Variants in HERC4 observed in about 807,000 individuals in gnomAD.
HERC4 encodes probable E3 ubiquitin-protein ligase HERC4.
A neutral mutation model predicts 124.3 loss-of-function variants in HERC4; 28 were observed. The observed-to-expected ratio is 0.23, with a 90% CI of 0.17 to 0.31. The LOEUF (loss-of-function observed/expected upper bound fraction) is 0.31, where lower values mean the gene tolerates loss of function less well. HERC4 is among the 10% of genes least tolerant of loss of function. The pLI is 1.00. For synonymous variants in HERC4, 407 were observed against 421.5 expected (o/e 0.97, Z 0.42); for missense variants, 713 against 1,229.3 (o/e 0.58, Z 6.28).
chr10:67,987,042 TACAG>T (rs2036302517), intron 15 of HERC4, among the ~76,000 whole-genome samples: 1 of 152,138 alleles, frequency 6.6e-6, no homozygotes, highest in South Asian at 2.1e-4. Context: ...TCACATGAAC[TACAG>T]ACAAAGGAGG....
At chr10:68,037,915 T>C (rs2039561852) in intron 5 of HERC4, among the ~76,000 whole-genome samples, 178 bp downstream of exon 5, 1 of 152,164 alleles carries the variant, frequency 6.6e-6, no homozygotes, top group Admixed American at 6.5e-5. Context: ...TGTGTGTTTG[T>C]GTGTGTATGT....
intron 6 of HERC4, among the ~76,000 whole-genome samples, chr10:68,033,347 C>T (rs1188936709): frequency 6.6e-6 from 1 of 152,160 alleles, no homozygotes; most frequent in Non-Finnish European, 1.5e-5. Context: ...GTTTGCTTAT[C>T]ATTACTAGTT....
intron 4 of HERC4, chr10:68,039,361 A>G: frequency 1.4e-6 from 2 of 1,475,232 alleles, no homozygotes; most frequent in Non-Finnish European, 1.8e-6. Context: ...AAAACGGGGG[A>G]TGGGGAGGTA....
chr10:68,075,047 CCCT>C (rs2133905360), intron 1 of HERC4, 94 bp downstream of exon 1: 1 of 153,046 alleles, frequency 6.5e-6, no homozygotes, highest in South Asian at 2.1e-4. Flanking sequence ...GCTCCTGGGA[CCCT>C]CCTCTGTCAG....
intron 3 of HERC4, among the ~76,000 whole-genome samples, chr10:68,049,590 CAAAAAAAA>C (rs766514516): frequency 1.5e-3 from 63 of 42,616 alleles, no homozygotes; most frequent in African/African-American, 6.1e-3. Context: ...GACACTGCCA[CAAAAAAAA>C]AAAAAAAAAA....
At chr10:67,943,559 G>C (rs1017797365) in intron 19 of HERC4, among the ~76,000 whole-genome samples, 7 of 152,190 alleles carry the variant, frequency 4.6e-5, no homozygotes. Context: ...AAAGGCGGAG[G>C]TATTAGAGTG....
intron 3 of HERC4, among the ~76,000 whole-genome samples, chr10:68,053,686 A>G (rs1033714208): frequency 1.3e-5 from 2 of 152,228 alleles, no homozygotes; most frequent in Non-Finnish European, 2.9e-5. Flanking sequence ...ACTTGTTTGT[A>G]ATGACAGCTA....
intron 14 of HERC4, among the ~76,000 whole-genome samples, chr10:67,989,619 G>A (rs1314056156): frequency 6.6e-6 from 1 of 151,600 alleles, no homozygotes. Flanking sequence ...AAAAGCACTG[G>A]GTTAAATGTA....
chr10:68,053,444 C>T (rs1260184517), intron 3 of HERC4, among the ~76,000 whole-genome samples: 3 of 151,886 alleles, frequency 2.0e-5, no homozygotes, highest in Non-Finnish European at 4.4e-5. Flanking sequence ...GCTGGGACCA[C>T]GGACATGAGC....
At chr10:67,968,219 G>A (rs562268784) in intron 15 of HERC4, among the ~76,000 whole-genome samples, 3 of 152,178 alleles carry the variant, frequency 2.0e-5, no homozygotes, top group East Asian at 1.9e-4. Context: ...TCCAGAGGAC[G>A]AAGCCCCAAA....
intron 8 of HERC4, among the ~76,000 whole-genome samples, chr10:68,016,889 T>C (rs995539669): frequency 6.6e-6 from 1 of 152,196 alleles, no homozygotes; most frequent in Non-Finnish European, 1.5e-5. Flanking sequence ...CATGTACATT[T>C]TGGCTACTAA....
intron 9 of HERC4, among the ~76,000 whole-genome samples, chr10:67,995,572 T>C (rs1157980248): frequency 5.9e-5 from 9 of 152,180 alleles, no homozygotes; most frequent in Middle Eastern, 3.4e-3. Context: ...GCTGTCTTTT[T>C]TTTTTTTCAT....
intron 23 of HERC4, among the ~76,000 whole-genome samples, chr10:67,927,759 CTGAA>C (rs2031300299): frequency 6.6e-6 from 1 of 152,002 alleles, no homozygotes; most frequent in Admixed American, 6.6e-5. Flanking sequence ...CCTGTCTTAA[CTGAA>C]TGAACACTTA....
At chr10:67,942,108 T>C (rs1345910408) in intron 19 of HERC4, among the ~76,000 whole-genome samples, 2 of 152,214 alleles carry the variant, frequency 1.3e-5, no homozygotes, top group African/African-American at 4.8e-5. Flanking sequence ...CTCATCTTTA[T>C]AAAAGTAATA....
chr10:67,976,758 G>C (rs2035615209), intron 15 of HERC4, among the ~76,000 whole-genome samples: 2 of 152,180 alleles, frequency 1.3e-5, no homozygotes, highest in East Asian at 3.8e-4. Flanking sequence ...AAAGAATGCA[G>C]CAATTGTTAG....
At chr10:67,949,217 G>A (rs2033617072) in intron 19 of HERC4, among the ~76,000 whole-genome samples, 1 of 152,140 alleles carries the variant, frequency 6.6e-6, no homozygotes, top group African/African-American at 2.4e-5. Context: ...CCAGGAGGCG[G>A]AGGTTGCAGT....
chr10:68,059,522 A>AATATTATATATC (rs1339936883), intron 3 of HERC4, among the ~76,000 whole-genome samples: 1 of 80,632 alleles, frequency 1.2e-5, no homozygotes, highest in Admixed American at 1.7e-4. Context: ...TATATATCAT[A>AATATTATATATC]ATAATATTAT....
Position 67,958,592 on chromosome 10 carries a change from G to A in HERC4, c.1927-1616C>T, listed in dbSNP as rs1252886590. Among the ~76,000 whole-genome samples the A allele has an allele frequency of 2.6e-5, 4 of 152,098 alleles. 1 individual carries two copies. In the South Asian group the frequency reaches 6.2e-4, roughly 24 times the overall value. ...TTATAATGTTCCCAAGTGTTAAAAG[G>A]GTAGTCTAGGGTTGTTGATTACTTA... On this transcript the variant is annotated intron_variant, in intron 16 of 24. Transcript: ENST00000373700.
chr10:67,965,071 C>G (rs1214231379), intron 16 of HERC4: 1 of 152,322 alleles, frequency 6.6e-6, no homozygotes, highest in South Asian at 2.1e-4. Context: ...CACACCTGGC[C>G]TAATGCTGGC....
Sources: gnomAD v4.1 joint callset for allele counts (sites outside exome capture counted in the v4.1 genomes callset) on GRCh38, gnomAD v4.1.1 for gene constraint, MANE v1.5 for transcripts, NCBI Gene and HGNC (gene_info 2026-07-23, HGNC 2026-07-21) for gene names.